LINGO1: variants seen among roughly 807,000 people sequenced by gnomAD.
LINGO1 encodes leucine-rich repeat and immunoglobulin-like domain-containing nogo receptor-interacting protein 1.
Under a neutral mutation model 37.3 loss-of-function variants are expected in LINGO1, and 11 were observed. That is an observed-to-expected ratio of 0.29 (90% CI 0.19 to 0.49). The LOEUF (loss-of-function observed/expected upper bound fraction) is 0.49. Among genes scored for constraint, LINGO1 ranks in the 20% least tolerant of loss-of-function variants. The pLI is 0.99. For missense variants in LINGO1, 585 were observed against 878.2 expected, an observed-to-expected ratio of 0.67 and a Z score of 4.22; for synonymous variants, 387 against 403.0, an observed-to-expected ratio of 0.96 and a Z score of 0.48.
chr15:77,657,138 G>A (rs1326062384), intron 3 of LINGO1, among the ~76,000 whole-genome samples: 1 of 152,216 alleles, frequency 6.6e-6, no homozygotes, highest in East Asian at 1.9e-4. Flanking sequence ...GGACTGGAGG[G>A]ATGGCAGCTG....
At chr15:77,802,624 A>G (rs1008620112) in intron 1 of LINGO1, among the ~76,000 whole-genome samples, 2 of 152,090 alleles carry the variant, frequency 1.3e-5, no homozygotes, top group African/African-American at 4.8e-5. Context: ...TCCCTTGAAC[A>G]ATTGTTTGCA....
At chr15:77,723,716 G>A (rs76782958) in intron 2 of LINGO1, among the ~76,000 whole-genome samples, 7 of 152,268 alleles carry the variant, frequency 4.6e-5, no homozygotes, top group African/African-American at 1.7e-4. Flanking sequence ...GCAGCACAAA[G>A]TGCCACACCC....
intron 1 of LINGO1, among the ~76,000 whole-genome samples, chr15:77,781,185 T>C (rs2076713410): frequency 6.6e-6 from 1 of 152,210 alleles, no homozygotes; most frequent in Non-Finnish European, 1.5e-5. Context: ...TTGCGTAAAG[T>C]CCAGCCGGTT....
chr15:77,696,716 G>C (rs2075700029), upstream of LINGO1, among the ~76,000 whole-genome samples: 2 of 152,222 alleles, frequency 1.3e-5, no homozygotes, highest in Non-Finnish European at 2.9e-5. Context: ...CCACCTCCGG[G>C]CCCTCCGTTT....
intron 1 of LINGO1, among the ~76,000 whole-genome samples, chr15:77,808,580 C>T (rs1252817564): frequency 2.6e-5 from 4 of 152,144 alleles, no homozygotes; most frequent in Non-Finnish European, 5.9e-5. Context: ...ACCACACTGC[C>T]TTCGTCCCAG....
chr15:77,783,454 C>A (rs887127555), intron 1 of LINGO1, among the ~76,000 whole-genome samples: 1 of 152,146 alleles, frequency 6.6e-6, no homozygotes, highest in Non-Finnish European at 1.5e-5. Flanking sequence ...AGGGCCTCAG[C>A]ACCTCTTCTG....
rs558074408 is a variant in LINGO1, at chr15:77,703,534, C to T, written c.-194-12633G>A. On this transcript the variant is annotated intron_variant, in intron 2 of 3. Coordinates refer to the LINGO1 transcript ENST00000561686. ...CTGCAACATAAGGTGTCCAGGCCTA[C>T]AGCAGGAGGGGTGGCAATCTTCCCA... Among the ~76,000 whole-genome samples, 7 of 152,288 alleles carry T rather than the reference C, an allele frequency of 4.6e-5. No individual in the cohort carries two copies. The South Asian group carries it at 1.2e-3, about 27-fold the overall frequency.
intron 1 of LINGO1, among the ~76,000 whole-genome samples, chr15:77,751,767 GGAA>G (rs1241770688): frequency 2.0e-5 from 3 of 152,162 alleles, no homozygotes; most frequent in African/African-American, 7.2e-5. Flanking sequence ...GAGAAGTTAG[GGAA>G]GAAGATCTCA....
intron 2 of LINGO1, among the ~76,000 whole-genome samples, chr15:77,689,693 C>A (rs1310012669): frequency 5.3e-5 from 8 of 152,224 alleles, no homozygotes; most frequent in Admixed American, 4.6e-4. Flanking sequence ...ATCATTCCTA[C>A]CCCGATTTCT....
chr15:77,727,815 G>A (rs1213617682), intron 2 of LINGO1, among the ~76,000 whole-genome samples: 1 of 151,976 alleles, frequency 6.6e-6, no homozygotes, highest in South Asian at 2.1e-4. Context: ...AGCACTCAGA[G>A]AGGTGAAGTA....
At chr15:77,725,758 G>T (rs2076096085) in intron 2 of LINGO1, among the ~76,000 whole-genome samples, 1 of 152,202 alleles carries the variant, frequency 6.6e-6, no homozygotes, top group Non-Finnish European at 1.5e-5. Flanking sequence ...GGAAAGCCAG[G>T]ATGTGAGCCT....
At chr15:77,736,329 A>C (rs1421599375) in intron 1 of LINGO1, among the ~76,000 whole-genome samples, 1 of 152,192 alleles carries the variant, frequency 6.6e-6, no homozygotes, top group Non-Finnish European at 1.5e-5. Flanking sequence ...CCCTGTCCAT[A>C]CATAGCAATA....
intron 1 of LINGO1, among the ~76,000 whole-genome samples, chr15:77,783,685 A>ATGC (rs892170018): frequency 4.6e-5 from 7 of 152,178 alleles, no homozygotes; most frequent in East Asian, 1.9e-4. Flanking sequence ...AAACCGTGAG[A>ATGC]TGCTGCTGCT....
At chr15:77,756,150 C>T (rs2076416588) in intron 1 of LINGO1, among the ~76,000 whole-genome samples, 1 of 152,296 alleles carries the variant, frequency 6.6e-6, no homozygotes, top group East Asian at 1.9e-4. Flanking sequence ...CAGGCAGGCC[C>T]AGGCTAGACC....
At chr15:77,687,088 G>A (rs1056914191) in intron 2 of LINGO1, among the ~76,000 whole-genome samples, 2 of 152,136 alleles carry the variant, frequency 1.3e-5, no homozygotes, top group Non-Finnish European at 2.9e-5. Flanking sequence ...CCAGGATCAG[G>A]GCTCGGTGTA....
At chr15:77,756,931 G>A (rs1407410533) in intron 1 of LINGO1, among the ~76,000 whole-genome samples, 3 of 152,202 alleles carry the variant, frequency 2.0e-5, no homozygotes, top group Non-Finnish European at 4.4e-5. Flanking sequence ...GGACACCTTG[G>A]AGCTCAGCCT....
intron 1 of LINGO1, among the ~76,000 whole-genome samples, chr15:77,738,809 AAGGAAAGAAG>A (rs1432394509): frequency 6.6e-6 from 1 of 151,812 alleles, no homozygotes; most frequent in Non-Finnish European, 1.5e-5. Flanking sequence ...GGAAGGAAGG[AAGGAAAGAAG>A]GAAGGAAGGA....
intron 1 of LINGO1, among the ~76,000 whole-genome samples, chr15:77,743,513 A>G (rs1238455378): frequency 6.6e-6 from 1 of 152,188 alleles, no homozygotes; most frequent in Non-Finnish European, 1.5e-5. Flanking sequence ...CCCAGTCTAA[A>G]GAGGGTTGGG....
rs187149205 is a variant in LINGO1 at position 77,812,729 on chromosome 15, C to A, written c.-458+7529G>T. ...GATCAATAATGGAGATTTATCAGTACCCCAAATGATCAATCACTAATTGCT... is the reference window on the plus strand; with the variant it reads ...GATCAATAATGGAGATTTATCAGTAACCCAAATGATCAATCACTAATTGCT... On this transcript the variant is annotated intron_variant, in intron 1 of 5. Coordinates refer to the LINGO1 transcript ENST00000562933. Among the ~76,000 whole-genome samples, 171 of 152,356 alleles carry A rather than the reference C, an allele frequency of 1.1e-3. 1 individual carries two copies. The highest frequency in any genetic ancestry group is 6.8e-3 in the Middle Eastern group (2 of 294).
Sources: gnomAD v4.1 joint callset for allele counts (sites outside exome capture counted in the v4.1 genomes callset) on GRCh38, gnomAD v4.1.1 for gene constraint, MANE v1.5 for transcripts, NCBI Gene and HGNC (gene_info 2026-07-23, HGNC 2026-07-21) for gene names.